Variants in PRTG observed in about 807,000 individuals in gnomAD.
The protein encoded by PRTG is protogenin, also known as immunoglobulin superfamily, DCC subclass, member 5.
In PRTG, 67 loss-of-function variants were observed where a neutral mutation model predicts 122.5. The ratio of observed to expected loss-of-function variants is 0.55; its 90% CI spans 0.45 to 0.67. PRTG has a LOEUF of 0.67. Ranked by LOEUF, PRTG falls within the 30% of genes least tolerant of loss-of-function variation. The pLI, the probability that PRTG is intolerant of heterozygous loss-of-function variation, is 0.00. For synonymous variants in PRTG, 554 were observed against 501.1 expected (o/e 1.11, Z -1.41); for missense variants, 1,435 against 1,415.4 (o/e 1.01, Z -0.22).
intron 11 of PRTG, among the ~76,000 whole-genome samples, chr15:55,659,930 A>AACAAAACAAAACAAG (rs2141769916): frequency 6.6e-6 from 1 of 151,724 alleles, no homozygotes; most frequent in East Asian, 2.0e-4. Context: ...AAGTCTCAAA[A>AACAAAACAAAACAAG]ACAAAACAAA....
Position 55,686,354 on chromosome 15 carries a change from TTTA to T in PRTG, c.398-2426_398-2424del, listed in dbSNP as rs367566230. The stretch of plus-strand genomic sequence containing the variant: ...ACAGACTTCAAAATGGGAATTTTAC[TTTA>T]TTATTTCTCAGACTCTACCTCTCCA... On this transcript the variant is annotated intron_variant, in intron 2 of 19. Transcript: ENST00000389286. 4.9e-4 allele frequency among the ~76,000 whole-genome samples: 75 copies of T among 152,290 alleles called. No individual in the cohort carries two copies. In the East Asian group the frequency reaches 6.8e-3, roughly 14 times the overall value.
chr15:55,707,016 GACTTT>G (rs1246552724), intron 2 of PRTG, among the ~76,000 whole-genome samples: 2 of 152,304 alleles, frequency 1.3e-5, no homozygotes, highest in East Asian at 1.9e-4. Context: ...GACTTGCATG[GACTTT>G]ACTTTAAAAT....
At chr15:55,674,141 GT>G (rs1292885535) in intron 9 of PRTG, among the ~76,000 whole-genome samples, 4 of 152,150 alleles carry the variant, frequency 2.6e-5, no homozygotes, top group Non-Finnish European at 4.4e-5. Flanking sequence ...AACATATGTT[GT>G]TTAATATAAA....
At chr15:55,712,955 T>C (rs1215346387) in intron 2 of PRTG, among the ~76,000 whole-genome samples, 1 of 152,234 alleles carries the variant, frequency 6.6e-6, no homozygotes, top group Non-Finnish European at 1.5e-5. Flanking sequence ...ATTTCAAACA[T>C]GCAGAAGAAT....
chr15:55,725,618 A>T (rs576376374), intron 2 of PRTG, among the ~76,000 whole-genome samples: 1 of 152,146 alleles, frequency 6.6e-6, no homozygotes, highest in Non-Finnish European at 1.5e-5. Flanking sequence ...GGGGTGAAAG[A>T]CATACAGAAA....
chr15:55,619,129 G>C lies in PRTG; in HGVS notation c.*883C>G, dbSNP rs1431868983. ...AGCCTTTGGCCAACCGTCAGGCAAA[G>C]GGGAAGGTAGAAAAGGCACAGTTCT... On this transcript the variant is annotated 3_prime_UTR_variant, in exon 20 of 20. Coordinates refer to ENST00000389286, the MANE Select transcript of PRTG (RefSeq NM_173814.6). 2 of 152,188 alleles carry C rather than the reference G, an allele frequency of 1.3e-5. No individual in the cohort carries two copies. Among genetic ancestry groups the C allele is most frequent in the Admixed American group, 6.5e-5 (1 of 15,268 alleles). 9.4% of individuals were successfully genotyped at this position (152,188 alleles called of 1,614,324 possible). A position where few individuals can be genotyped will look rare whatever the true frequency, so the allele number is the denominator to read the frequency against.
At chr15:55,642,945 A>C (rs2059300738) in intron 11 of PRTG, among the ~76,000 whole-genome samples, 1 of 152,080 alleles carries the variant, frequency 6.6e-6, no homozygotes, top group African/African-American at 2.4e-5. Context: ...GTGGTGGTGC[A>C]TGCCATAGTC....
chr15:55,698,616 G>A (rs1018137577), intron 2 of PRTG, among the ~76,000 whole-genome samples: 3 of 152,150 alleles, frequency 2.0e-5, no homozygotes, highest in African/African-American at 7.2e-5. Flanking sequence ...TCTGGGGTAG[G>A]GCAGGATGGA....
At chr15:55,676,822 A>G (rs923722370) in intron 8 of PRTG, among the ~76,000 whole-genome samples, 1 of 151,956 alleles carries the variant, frequency 6.6e-6, no homozygotes, top group Non-Finnish European at 1.5e-5. Context: ...GAATTAACAT[A>G]CTCCAGCATG....
At chr15:55,724,768 AAAAAT>A (rs141235543) in intron 2 of PRTG, among the ~76,000 whole-genome samples, 20,639 of 152,026 alleles carry the variant, frequency 0.14, 1,779 homozygotes, top group East Asian at 0.34. Flanking sequence ...AAAAAAAATG[AAAAAT>A]AAAATAAAAA....
intron 15 of PRTG, 150 bp from the exon 16 acceptor site, chr15:55,629,154 TA>T: frequency 3.8e-6 from 2 of 530,240 alleles, no homozygotes; most frequent in East Asian, 6.0e-5. Context: ...AAAATATAAA[TA>T]AAATTACAAT....
At chr15:55,731,291 C>G (rs1224796549) in intron 2 of PRTG, among the ~76,000 whole-genome samples, 1 of 151,840 alleles carries the variant, frequency 6.6e-6, no homozygotes, top group African/African-American at 2.4e-5. Context: ...TACTTTAAAT[C>G]CCATCAGGGG....
At chr15:55,642,895 A>G (rs752087772) in intron 11 of PRTG, among the ~76,000 whole-genome samples, 4 of 152,078 alleles carry the variant, frequency 2.6e-5, no homozygotes, top group Admixed American at 6.6e-5. Flanking sequence ...ATATAGCAAG[A>G]TCGCATCTCT....
intron 11 of PRTG, among the ~76,000 whole-genome samples, chr15:55,668,503 TAACAAGTATTTAAAAATC>T (rs1161675477): frequency 2.6e-5 from 4 of 152,176 alleles, no homozygotes; most frequent in Admixed American, 2.0e-4. Context: ...GAGATGAATA[TAACAAGTATTTAAAAATC>T]CTACTTACAA....
In PRTG at chr15:55,708,972, C is replaced by A. The variant is rs368247168; in HGVS notation, c.398-25041G>T. Among the ~76,000 whole-genome samples, 50 of 151,672 alleles carry A rather than the reference C, an allele frequency of 3.3e-4. No individual in the cohort carries two copies. In the East Asian group the frequency reaches 8.8e-3, roughly 27 times the overall value. On this transcript the variant is annotated intron_variant, in intron 2 of 19. Coordinates refer to ENST00000389286, the MANE Select transcript of PRTG (RefSeq NM_173814.6). ...CCAGCCTGGTCAACATGGTGAAAAG[C>A]CGTCTCTATTAAAAATACAAAACAT...
intron 2 of PRTG, among the ~76,000 whole-genome samples, chr15:55,694,917 C>T (rs906985554): frequency 2.6e-5 from 4 of 152,102 alleles, no homozygotes; most frequent in African/African-American, 4.8e-5. Context: ...TCAGTGTTAA[C>T]GTAAACCAAG....
intron 2 of PRTG, among the ~76,000 whole-genome samples, chr15:55,718,934 G>A (rs148005974): frequency 2.6e-5 from 4 of 151,964 alleles, no homozygotes; most frequent in East Asian, 1.9e-4. Flanking sequence ...TAGTAGAGAC[G>A]GGGTTTCACT....
Position 55,618,460 on chromosome 15 carries a change from C to A in PRTG, c.*1552G>T, listed in dbSNP as rs1326585606. On this transcript the variant is annotated 3_prime_UTR_variant, in exon 20 of 20. Transcript: ENST00000389286. ...TTTAAAAGGATATGGGACCCCTTCT[C>A]TACACGCGTTTAGTTCTTTATCCTC... The A allele has an allele frequency of 6.6e-6, 1 of 152,194 alleles. No homozygotes were observed. Among genetic ancestry groups the A allele is most frequent in the Admixed American group, 6.6e-5 (1 of 15,264 alleles). 9.4% of individuals were successfully genotyped at this position (152,194 alleles called of 1,614,324 possible).
At chr15:55,738,602 G>A in intron 2 of PRTG, 1 of 681,928 alleles carries the variant, frequency 1.5e-6, no homozygotes, top group Non-Finnish European at 2.7e-6. Context: ...GTTTACATTG[G>A]ACAAAAACTG....
Sources: gnomAD v4.1 joint callset for allele counts (sites outside exome capture counted in the v4.1 genomes callset) on GRCh38, gnomAD v4.1.1 for gene constraint, MANE v1.5 for transcripts, NCBI Gene and HGNC (gene_info 2026-07-23, HGNC 2026-07-21) for gene names.